Variants in SLC13A3 observed in about 807,000 individuals in gnomAD.
SLC13A3 encodes the protein Na(+)/dicarboxylate cotransporter 3.
Under a neutral mutation model 59.0 loss-of-function variants are expected in SLC13A3, and 40 were observed. The observed-to-expected ratio is 0.68, with a 90% CI of 0.53 to 0.88. SLC13A3 has a LOEUF of 0.88. Among genes scored for constraint, SLC13A3 ranks in the 40% least tolerant of loss-of-function variants. The pLI, the probability that SLC13A3 is intolerant of heterozygous loss-of-function variation, is 0.00. For synonymous variants in SLC13A3, 317 were observed against 330.3 expected (o/e 0.96, Z 0.44); for missense variants, 699 against 783.2 (o/e 0.89, Z 1.28).
chr20:46,574,444 C>T (rs746636421), intron 10 of SLC13A3, among the ~76,000 whole-genome samples: 1 of 152,184 alleles, frequency 6.6e-6, no homozygotes. Flanking sequence ...GTTGCACTGC[C>T]TCTGAGCTGG....
At chr20:46,605,577 G>A (rs1306903054) in intron 3 of SLC13A3, among the ~76,000 whole-genome samples, 1 of 152,190 alleles carries the variant, frequency 6.6e-6, no homozygotes, top group African/African-American at 2.4e-5. Context: ...GCTATGCAAA[G>A]TTTATTACCT....
intron 1 of SLC13A3, among the ~76,000 whole-genome samples, chr20:46,683,393 T>C (rs1288103785): frequency 6.6e-6 from 1 of 152,176 alleles, no homozygotes; most frequent in Admixed American, 6.5e-5. Context: ...CATCTTCCCT[T>C]TTCTTTTACC....
chr20:46,663,395 T>C (rs1374282713), intron 1 of SLC13A3, among the ~76,000 whole-genome samples: 2 of 151,066 alleles, frequency 1.3e-5, no homozygotes, highest in Admixed American at 1.3e-4. Flanking sequence ...CAATGAGCTA[T>C]AATTGTGCCA....
At chr20:46,583,955 C>T (rs372803940) in intron 8 of SLC13A3, 20 of 985,234 alleles carry the variant, frequency 2.0e-5, no homozygotes, top group East Asian at 1.1e-4. Flanking sequence ...GGGGAGAATC[C>T]GAGGGCCGCA....
rs1194489049 is a variant in SLC13A3 at position 46,626,115 on chromosome 20, CTCTCTCTG to C, written c.112-12398_112-12391del. On this transcript the variant is annotated intron_variant, in intron 1 of 12. Coordinates refer to ENST00000279027, the MANE Select transcript of SLC13A3 (RefSeq NM_022829.6). Reference sequence around the variant, plus strand: ...AGCTGTATTCTCTCTCTCTCTCTCTCTCTCTCTGTCTCTCTCTCTCTCTGTCTCTCTGT... The same window carrying C: ...AGCTGTATTCTCTCTCTCTCTCTCTCTCTCTCTCTCTCTCTGTCTCTCTGT... Among the ~76,000 whole-genome samples the C allele has an allele frequency of 1.7e-3, 263 of 150,722 alleles. 4 individuals carry two copies. The highest frequency in any genetic ancestry group is 3.3e-3 in the Non-Finnish European group (221 of 67,734).
Position 46,558,991 on chromosome 20 carries a change from G to A in SLC13A3, c.*1031C>T, listed in dbSNP as rs1451553357. 2 of 151,996 alleles carry A rather than the reference G, an allele frequency of 1.3e-5. No individual in the cohort carries two copies. Among genetic ancestry groups the A allele is most frequent in the South Asian group, 2.1e-4 (1 of 4,818 alleles). 9.4% of individuals were successfully genotyped at this position (151,996 alleles called of 1,614,324 possible). ...GTCTCAGTTTTACCCATATGCAGAA[G>A]GGGACAATCTTTTGCTTGCCTGAGA... On this transcript the variant is annotated 3_prime_UTR_variant, in exon 13 of 13. Coordinates refer to ENST00000279027, the MANE Select transcript of SLC13A3 (RefSeq NM_022829.6).
intron 1 of SLC13A3, among the ~76,000 whole-genome samples, chr20:46,623,678 T>C (rs2062639141): frequency 1.3e-5 from 2 of 152,220 alleles, no homozygotes; most frequent in African/African-American, 4.8e-5. Context: ...AAACAGGAAT[T>C]CTAATTTTTA....
At chr20:46,562,147 C>G (rs2061936820) in intron 12 of SLC13A3, among the ~76,000 whole-genome samples, 1 of 152,184 alleles carries the variant, frequency 6.6e-6, no homozygotes, top group Non-Finnish European at 1.5e-5. Flanking sequence ...TAACGATTCA[C>G]TCCAGCCAGC....
At chr20:46,615,070 G>T (rs1344518327) in intron 1 of SLC13A3, among the ~76,000 whole-genome samples, 1 of 152,126 alleles carries the variant, frequency 6.6e-6, no homozygotes, top group Non-Finnish European at 1.5e-5. Flanking sequence ...TAATGACAAT[G>T]ACTTCACATC....
In SLC13A3 at chr20:46,559,980, C is replaced by A; in HGVS notation, c.*42G>T. The A allele has an allele frequency of 6.3e-7, 1 of 1,581,716 alleles. No homozygotes were observed. The highest frequency in any genetic ancestry group is 8.7e-7 in the Non-Finnish European group (1 of 1,153,756). On this transcript the variant is annotated 3_prime_UTR_variant, in exon 13 of 13. Coordinates refer to ENST00000279027, the MANE Select transcript of SLC13A3 (RefSeq NM_022829.6). The stretch of plus-strand genomic sequence containing the variant: ...CCTAGCAGCAGGTGATGGTGACAGC[C>A]CTTTGAGAGGGTTCAGCCTCAAGGG...
intron 4 of SLC13A3, among the ~76,000 whole-genome samples, chr20:46,597,702 A>G (rs906405133): frequency 5.9e-5 from 9 of 152,166 alleles, no homozygotes; most frequent in Non-Finnish European, 1.0e-4. Flanking sequence ...CTCCCAAAGT[A>G]CTGGGATTAC....
chr20:46,568,354 C>T (rs1045558774), intron 10 of SLC13A3, among the ~76,000 whole-genome samples: 13 of 139,756 alleles, frequency 9.3e-5, no homozygotes, highest in Non-Finnish European at 1.7e-4. Context: ...GCTGAGATCA[C>T]GCCACCGCAC....
chr20:46,626,565 A>C, intron 1 of SLC13A3, among the ~76,000 whole-genome samples: 1 of 152,138 alleles, frequency 6.6e-6, no homozygotes, highest in South Asian at 2.1e-4. Context: ...GAGCAGAGCC[A>C]GAGTGACCCC....
chr20:46,662,925 TTA>T (rs1417001298), intron 1 of SLC13A3, among the ~76,000 whole-genome samples: 1 of 152,180 alleles, frequency 6.6e-6, no homozygotes, highest in Non-Finnish European at 1.5e-5. Flanking sequence ...AGATATGAAT[TTA>T]TAAGTCTTAT....
chr20:46,628,010 C>T (rs143284556), intron 1 of SLC13A3, among the ~76,000 whole-genome samples: 1 of 152,124 alleles, frequency 6.6e-6, no homozygotes. Flanking sequence ...TGATTTTACT[C>T]CACCCAACAG....
At chr20:46,598,566 T>C (rs927768105) in intron 4 of SLC13A3, among the ~76,000 whole-genome samples, 6 of 152,124 alleles carry the variant, frequency 3.9e-5, no homozygotes, top group Non-Finnish European at 5.9e-5. Context: ...AAAGCATATT[T>C]CCAGGCCACA....
At chr20:46,605,609 CTG>C (rs537197663) in intron 3 of SLC13A3, among the ~76,000 whole-genome samples, 100 of 152,268 alleles carry the variant, frequency 6.6e-4, no homozygotes, top group African/African-American at 2.2e-3. Context: ...ACTGGGGAAA[CTG>C]AGGCCTAGAG....
intron 1 of SLC13A3, among the ~76,000 whole-genome samples, chr20:46,667,204 T>C (rs913654967): frequency 1.6e-4 from 25 of 152,164 alleles, no homozygotes; most frequent in Non-Finnish European, 3.2e-4. Flanking sequence ...CAACAGTGTA[T>C]GGAGGGACAA....
In SLC13A3 at chr20:46,661,445, A is replaced by C. The variant is rs186342741; in HGVS notation, c.-31+8598T>G. Among the ~76,000 whole-genome samples the C allele has an allele frequency of 7.2e-5, 11 of 152,334 alleles. No homozygotes were observed. In the East Asian group the frequency reaches 2.1e-3, roughly 29 times the overall value. On this transcript the variant is annotated intron_variant, in intron 1 of 12. Transcript: ENST00000290317. The stretch of plus-strand genomic sequence containing the variant: ...CTCCAAATGTTTTGAGGGTAGATTT[A>C]GAACTTTTCCTTCAGCAGATCTGAG...
Sources: allele counts gnomAD v4.1 joint callset (sites outside exome capture counted in the v4.1 genomes callset), GRCh38; gene constraint gnomAD v4.1.1; transcripts MANE v1.5; gene names NCBI Gene and HGNC (gene_info 2026-07-23, HGNC 2026-07-21).